Variants in HTR4 observed in about 807,000 individuals in gnomAD.
HTR4 encodes the protein 5-hydroxytryptamine receptor 4.
A neutral mutation model predicts 36.8 loss-of-function variants in HTR4; 16 were observed. That is an observed-to-expected ratio of 0.43 (90% CI 0.29 to 0.66). The LOEUF is 0.66. Among genes scored for constraint, HTR4 ranks in the 30% least tolerant of loss-of-function variants. The probability of loss-of-function intolerance (pLI) is 0.13; values close to 1 mark genes in which losing one functional copy is unlikely to be tolerated. For synonymous variants in HTR4, 189 were observed against 185.1 expected (o/e 1.02, Z -0.17); for missense variants, 438 against 490.9 (o/e 0.89, Z 1.02).
At chr5:148,588,707 A>AT (rs1484351611) in intron 2 of HTR4, among the ~76,000 whole-genome samples, 6 of 150,300 alleles carry the variant, frequency 4.0e-5, no homozygotes, top group Admixed American at 1.3e-4. Flanking sequence ...CGCCCGGCTA[A>AT]TTTTTTGTAT....
At chr5:148,500,652 G>A (rs1756894705) in intron 6 of HTR4, among the ~76,000 whole-genome samples, 1 of 151,678 alleles carries the variant, frequency 6.6e-6, no homozygotes, top group Non-Finnish European at 1.5e-5. Context: ...AGAACACCCA[G>A]AAATTAATAA....
chr5:148,566,234 A>T (rs1294633195), intron 2 of HTR4, among the ~76,000 whole-genome samples: 1 of 152,204 alleles, frequency 6.6e-6, no homozygotes, highest in Non-Finnish European at 1.5e-5. Context: ...AAGCAGGTAT[A>T]AAACAGTAAA....
At chr5:148,504,498 G>T (rs901449149) in intron 6 of HTR4, among the ~76,000 whole-genome samples, 9 of 152,190 alleles carry the variant, frequency 5.9e-5, no homozygotes, top group African/African-American at 2.2e-4. Flanking sequence ...AAAGCAGTGT[G>T]TAGAGGGAAA....
At chr5:148,548,350 T>A (rs967280829) in intron 4 of HTR4, among the ~76,000 whole-genome samples, 11 of 152,230 alleles carry the variant, frequency 7.2e-5, no homozygotes, top group Admixed American at 7.2e-4. Context: ...TTCTTCAGAA[T>A]TTTGTTCATG....
intron 6 of HTR4, chr5:148,490,567 A>T (rs1380409004): frequency 8.9e-7 from 1 of 1,118,290 alleles, no homozygotes; most frequent in African/African-American, 1.7e-5. Context: ...TCACAAAAAA[A>T]GGGGCTGAGA....
intron 6 of HTR4, among the ~76,000 whole-genome samples, chr5:148,488,476 A>G (rs1756266853): frequency 6.6e-6 from 1 of 152,212 alleles, no homozygotes; most frequent in Admixed American, 6.5e-5. Context: ...TTCTCTATAT[A>G]GTTTTGCATT....
chr5:148,535,730 G>A (rs2113821591), intron 4 of HTR4, among the ~76,000 whole-genome samples: 1 of 152,204 alleles, frequency 6.6e-6, no homozygotes, highest in South Asian at 2.1e-4. Flanking sequence ...GAGAAGTATA[G>A]GATTATGAAA....
At chr5:148,597,310 A>G (rs992266835) in intron 2 of HTR4, among the ~76,000 whole-genome samples, 1 of 152,192 alleles carries the variant, frequency 6.6e-6, no homozygotes. Flanking sequence ...TTCTTTACAC[A>G]AAAAGAAAAG....
intron 5 of HTR4, among the ~76,000 whole-genome samples, chr5:148,510,334 G>A (rs570441030): frequency 6.6e-6 from 1 of 152,292 alleles, no homozygotes; most frequent in South Asian, 2.1e-4. Context: ...GAACTTATCT[G>A]TACAAGAGGA....
chr5:148,583,297 G>T (rs556723058), intron 2 of HTR4, among the ~76,000 whole-genome samples: 6 of 149,382 alleles, frequency 4.0e-5, no homozygotes, highest in African/African-American at 2.5e-5. Flanking sequence ...ACTTGGGGGA[G>T]GGGGGAGGGA....
intron 3 of HTR4, among the ~76,000 whole-genome samples, chr5:148,549,264 G>A (rs948135733): frequency 6.6e-6 from 1 of 152,066 alleles, no homozygotes; most frequent in Admixed American, 6.6e-5. Context: ...GTCCTTGGTC[G>A]GGCATTCTCA....
At chr5:148,540,406 A>G (rs1174781492) in intron 4 of HTR4, among the ~76,000 whole-genome samples, 1,735 of 28,686 alleles carry the variant, frequency 0.06, 72 homozygotes, top group Non-Finnish European at 0.13. Flanking sequence ...GTGTGTATAT[A>G]TATATATATA....
chr5:148,519,385 T>A (rs1258557841), intron 5 of HTR4, among the ~76,000 whole-genome samples: 1 of 152,150 alleles, frequency 6.6e-6, no homozygotes, highest in South Asian at 2.1e-4. Flanking sequence ...TTTGTAAAAT[T>A]TGGGGATGGA....
intron 4 of HTR4, among the ~76,000 whole-genome samples, chr5:148,546,481 A>G (rs1759388596): frequency 6.6e-6 from 1 of 152,190 alleles, no homozygotes; most frequent in Admixed American, 6.5e-5. Flanking sequence ...ATCCTGTTTC[A>G]TGACAACTCA....
At chr5:148,545,661 C>T (rs1759351757) in intron 4 of HTR4, among the ~76,000 whole-genome samples, 1 of 152,120 alleles carries the variant, frequency 6.6e-6, no homozygotes, top group Admixed American at 6.5e-5. Context: ...GAGGGAAAAG[C>T]CAAGGCCTCA....
intron 1 of HTR4, among the ~76,000 whole-genome samples, 162 bp from the exon 2 acceptor site, chr5:148,637,223 G>A (rs555819682): frequency 6.6e-6 from 1 of 152,126 alleles, no homozygotes; most frequent in Non-Finnish European, 1.5e-5. Flanking sequence ...GCATATTGAC[G>A]TATGGTACAG....
intron 2 of HTR4, among the ~76,000 whole-genome samples, chr5:148,624,495 G>A (rs753792952): frequency 2.0e-5 from 3 of 152,180 alleles, no homozygotes; most frequent in Non-Finnish European, 4.4e-5. Context: ...AGCAGGGATG[G>A]TGGTGAGGGT....
At chr5:148,472,964 T>C (rs1433514067), downstream of HTR4, among the ~76,000 whole-genome samples, 2 of 152,138 alleles carry the variant, frequency 1.3e-5, no homozygotes, top group Admixed American at 1.3e-4. Flanking sequence ...TGTGTGATTT[T>C]AAAAACATCA....
At chr5:148,548,976 A>C in intron 3 of HTR4, 108 bp from the exon 4 acceptor site, 1 of 772,590 alleles carries the variant, frequency 1.3e-6, no homozygotes, top group East Asian at 2.7e-5. Flanking sequence ...CAAAGAAAGA[A>C]GAAAAGAAGG....
Sources: allele counts gnomAD v4.1 joint callset (sites outside exome capture counted in the v4.1 genomes callset), GRCh38; gene constraint gnomAD v4.1.1; transcripts MANE v1.5; gene names NCBI Gene and HGNC (gene_info 2026-07-23, HGNC 2026-07-21).